SPIDR: variants seen among roughly 807,000 people sequenced by gnomAD.
The protein encoded by SPIDR is scaffold protein involved in DNA repair.
Under a neutral mutation model 104.6 loss-of-function variants are expected in SPIDR, and 93 were observed. The ratio of observed to expected loss-of-function variants is 0.89; its 90% CI spans 0.75 to 1.06. The LOEUF is 1.06. Ranked by LOEUF, SPIDR falls within the 50% of genes least tolerant of loss-of-function variation. The probability of loss-of-function intolerance (pLI) is 0.00; values close to 1 mark genes in which losing one functional copy is unlikely to be tolerated. For missense variants in SPIDR, 1,154 were observed against 1,111.2 expected, an observed-to-expected ratio of 1.04 and a Z score of -0.55; for synonymous variants, 431 against 416.9, an observed-to-expected ratio of 1.03 and a Z score of -0.41.
intron 5 of SPIDR, among the ~76,000 whole-genome samples, chr8:47,363,499 T>A (rs1428606135): frequency 3.9e-5 from 4 of 101,428 alleles, no homozygotes; most frequent in Non-Finnish European, 7.1e-5. Flanking sequence ...CCAACCTTTT[T>A]TAAAAAAAAA....
At chr8:47,665,021 A>C (rs1485569023) in intron 10 of SPIDR, among the ~76,000 whole-genome samples, 1 of 152,116 alleles carries the variant, frequency 6.6e-6, no homozygotes, top group Non-Finnish European at 1.5e-5. Context: ...TGAGAGTGCG[A>C]GAGAGAGAGG....
intron 8 of SPIDR, chr8:47,511,143 G>A: frequency 1.9e-6 from 3 of 1,543,686 alleles, no homozygotes; most frequent in Admixed American, 1.7e-5. Context: ...TAAAGCTGGT[G>A]GCAGCCATGG....
chr8:47,320,071 A>G (rs2046244402), intron 5 of SPIDR, among the ~76,000 whole-genome samples: 1 of 152,178 alleles, frequency 6.6e-6, no homozygotes, highest in Non-Finnish European at 1.5e-5. Flanking sequence ...TTCAAAAGCT[A>G]GCAGAAGGCA....
Position 47,726,081 on chromosome 8 carries a change from G to A in SPIDR, c.2342-1119G>A, listed in dbSNP as rs903704943. ...TCCACTTGCACCTCCTCATGTGCCTGCCCATTGTGAATTAGTCAACACTGC... is the reference window on the plus strand; with the variant it reads ...TCCACTTGCACCTCCTCATGTGCCTACCCATTGTGAATTAGTCAACACTGC... On this transcript the variant is annotated intron_variant, in intron 16 of 19. Coordinates refer to ENST00000297423, the MANE Select transcript of SPIDR (RefSeq NM_001080394.4). 6.5e-4 allele frequency among the ~76,000 whole-genome samples: 99 copies of A among 152,340 alleles called. 1 individual carries two copies. Among genetic ancestry groups the A allele is most frequent in the African/African-American group, 2.3e-3 (95 of 41,590 alleles).
chr8:47,720,080 T>C (rs943933151), intron 16 of SPIDR, among the ~76,000 whole-genome samples: 1 of 152,288 alleles, frequency 6.6e-6, no homozygotes, highest in African/African-American at 2.4e-5. Flanking sequence ...TTTGGCCTTG[T>C]CCAGAATGTC....
At chr8:47,439,897 G>A (rs2069074574) in intron 7 of SPIDR, among the ~76,000 whole-genome samples, 1 of 152,146 alleles carries the variant, frequency 6.6e-6, no homozygotes, top group Non-Finnish European at 1.5e-5. Context: ...TAACATACAT[G>A]ATTTCAAAGC....
chr8:47,465,639 G>A lies in SPIDR; in HGVS notation c.1097+25097G>A, dbSNP rs146076891. On this transcript the variant is annotated intron_variant, in intron 8 of 19. Coordinates refer to ENST00000297423, the MANE Select transcript of SPIDR (RefSeq NM_001080394.4). The stretch of plus-strand genomic sequence containing the variant: ...AATCCCAGCTACTGAGGGAGGCTGA[G>A]GCAGGAGAATCACTTGAACCTGGGA... Among the ~76,000 whole-genome samples the A allele has an allele frequency of 7.6e-4, 116 of 152,272 alleles. 1 individual carries two copies. Among genetic ancestry groups the A allele is most frequent in the African/African-American group, 2.7e-3 (112 of 41,556 alleles).
chr8:47,408,786 A>G (rs2063102915), intron 7 of SPIDR, among the ~76,000 whole-genome samples: 1 of 152,220 alleles, frequency 6.6e-6, no homozygotes, highest in African/African-American at 2.4e-5. Context: ...ACCAAAATCA[A>G]TTGCATTTCC....
chr8:47,440,350 A>G lies in SPIDR; in HGVS notation c.905A>G (p.Lys302Arg), dbSNP rs1310559381. Residue 302 changes from lysine (K) to arginine (R), a missense_variant, in exon 8 of 20, where the codon AAA (lysine) becomes AGA (arginine). By Grantham distance (26) the Lys-to-Arg change is conservative. Coordinates refer to ENST00000297423, the MANE Select transcript of SPIDR (RefSeq NM_001080394.4). ...SGRKSGVLTV[K>R]ILELHEECAM... is the part of the protein sequence containing the mutation. ...AGAAAATCTGGTGTATTAACTGTGA[A>G]AATTTTAGAGCTGCATGAGGAATGT... 1 of 1,614,022 alleles carries G rather than the reference A, an allele frequency of 6.2e-7. No individual in the cohort carries two copies. The highest frequency in any genetic ancestry group is 8.5e-7 in the Non-Finnish European group (1 of 1,180,020).
At chr8:47,500,325 T>G (rs959527569) in intron 8 of SPIDR, among the ~76,000 whole-genome samples, 35 of 152,274 alleles carry the variant, frequency 2.3e-4, no homozygotes, top group East Asian at 7.7e-4. Context: ...ACTTTTTAAT[T>G]ATCACCATTC....
At chr8:47,446,429 G>A (rs1554701791) in intron 8 of SPIDR, among the ~76,000 whole-genome samples, 1 of 152,064 alleles carries the variant, frequency 6.6e-6, no homozygotes, top group African/African-American at 2.4e-5. Flanking sequence ...ACCCCTCATT[G>A]ACAATGCACC....
chr8:47,700,820 T>C (rs1470190846), intron 12 of SPIDR, among the ~76,000 whole-genome samples: 1 of 152,162 alleles, frequency 6.6e-6, no homozygotes, highest in Admixed American at 6.5e-5. Context: ...CATATAGAAT[T>C]TTTCCCACGA....
At chr8:47,703,123 T>A (rs2080560807) in intron 14 of SPIDR, among the ~76,000 whole-genome samples, 1 of 152,196 alleles carries the variant, frequency 6.6e-6, no homozygotes, top group African/African-American at 2.4e-5. Context: ...CCAGACCTCA[T>A]GCCATTTCAC....
At chr8:47,439,737 C>T (rs566149229) in intron 7 of SPIDR, among the ~76,000 whole-genome samples, 1 of 152,260 alleles carries the variant, frequency 6.6e-6, no homozygotes, top group East Asian at 1.9e-4. Flanking sequence ...CAGTTGAATG[C>T]CATGGAACTT....
chr8:47,420,589 T>A (rs2065253976), intron 7 of SPIDR, among the ~76,000 whole-genome samples: 1 of 152,250 alleles, frequency 6.6e-6, no homozygotes, highest in African/African-American at 2.4e-5. Flanking sequence ...CTGTGTCTTT[T>A]AATTGGCACA....
At chr8:47,685,509 A>ATTTTTATT (rs79918303) in intron 11 of SPIDR, among the ~76,000 whole-genome samples, 2 of 106,866 alleles carry the variant, frequency 1.9e-5, no homozygotes, top group African/African-American at 5.5e-5. Flanking sequence ...TTATTTATTT[A>ATTTTTATT]TTTATTTATT....
At chr8:47,392,871 A>G (rs2060768756) in intron 5 of SPIDR, among the ~76,000 whole-genome samples, 1 of 152,188 alleles carries the variant, frequency 6.6e-6, no homozygotes, top group African/African-American at 2.4e-5. Flanking sequence ...GCACATTCTT[A>G]CCAAGGTCCC....
intron 14 of SPIDR, among the ~76,000 whole-genome samples, 184 bp downstream of exon 14, chr8:47,702,199 AGT>A (rs1346596813): frequency 6.6e-6 from 1 of 151,774 alleles, no homozygotes; most frequent in African/African-American, 2.4e-5. Context: ...AAAACAGAGA[AGT>A]GTTTTTAAAG....
chr8:47,646,835 C>T (rs10094128), intron 10 of SPIDR, among the ~76,000 whole-genome samples: 103,060 of 151,850 alleles, frequency 0.68, 35,294 homozygotes, highest in East Asian at 0.81. Flanking sequence ...ATATATATTA[C>T]TCAGAAAAAT....
Sources: gnomAD v4.1 joint callset for allele counts (sites outside exome capture counted in the v4.1 genomes callset) on GRCh38, gnomAD v4.1.1 for gene constraint, MANE v1.5 for transcripts, NCBI Gene and HGNC (gene_info 2026-07-23, HGNC 2026-07-21) for gene names.